PDS5A: variants seen among roughly 807,000 people sequenced by gnomAD.
PDS5A encodes the protein sister chromatid cohesion protein PDS5 homolog A.
PDS5A carries 42 observed loss-of-function variants against 167.1 expected under a neutral mutation model. The ratio of observed to expected loss-of-function variants is 0.25; its 90% CI spans 0.20 to 0.33. The LOEUF is 0.33. Ranked by LOEUF, PDS5A falls within the 10% of genes least tolerant of loss-of-function variation. PDS5A has a pLI of 1.00. For missense variants in PDS5A, 1,033 were observed against 1,605.9 expected (o/e 0.64, Z 6.10); for synonymous variants, 553 against 554.6 (o/e 1.00, Z 0.04).
chr4:39,965,701 A>G (rs1405619695), intron 2 of PDS5A, among the ~76,000 whole-genome samples: 3 of 152,178 alleles, frequency 2.0e-5, no homozygotes, highest in Non-Finnish European at 4.4e-5. Flanking sequence ...ATCGCTTCTG[A>G]GCCTTTTGGC....
chr4:39,960,412 G>A (rs895752663), intron 2 of PDS5A, among the ~76,000 whole-genome samples: 1 of 152,216 alleles, frequency 6.6e-6, no homozygotes, highest in Non-Finnish European at 1.5e-5. Flanking sequence ...AGGCACAATT[G>A]TAACTGTGTA....
At chr4:39,878,130 G>A (rs916009551) in intron 18 of PDS5A, among the ~76,000 whole-genome samples, 2 of 152,112 alleles carry the variant, frequency 1.3e-5, no homozygotes, top group Non-Finnish European at 2.9e-5. Flanking sequence ...GAGAAGCAGG[G>A]AGAAAGGGGA....
chr4:39,956,103 C>T (rs1188757534), intron 2 of PDS5A, among the ~76,000 whole-genome samples: 1 of 148,352 alleles, frequency 6.7e-6, no homozygotes, highest in Non-Finnish European at 1.5e-5. Context: ...AAGAAACAGA[C>T]TGAGACTGCC....
chr4:39,929,044 T>C (rs566317924), intron 2 of PDS5A, among the ~76,000 whole-genome samples: 5 of 152,174 alleles, frequency 3.3e-5, no homozygotes, highest in Non-Finnish European at 5.9e-5. Context: ...TGCTGGCCTG[T>C]TTTCTCTGTA....
intron 31 of PDS5A, among the ~76,000 whole-genome samples, chr4:39,839,967 G>A (rs889025796): frequency 6.6e-6 from 1 of 151,490 alleles, no homozygotes; most frequent in African/African-American, 2.4e-5. Flanking sequence ...GGTGGTGCGT[G>A]CCTGTAATCC....
At chr4:39,836,970 G>A (rs1232755633) in intron 32 of PDS5A, 3 of 146,464 alleles carry the variant, frequency 2.0e-5, no homozygotes, top group African/African-American at 7.5e-5. Flanking sequence ...CACCACACCT[G>A]GCTAACTTTT....
intron 16 of PDS5A, among the ~76,000 whole-genome samples, chr4:39,897,332 T>C (rs1578693079): frequency 6.6e-6 from 1 of 151,904 alleles, no homozygotes; most frequent in South Asian, 2.1e-4. Flanking sequence ...GAGGTGGAGG[T>C]TGCAGTGAGG....
In PDS5A at chr4:39,948,738, C is replaced by T. The variant is rs570887152; in HGVS notation, c.139-20574G>A. ...CTCCTGGCTTCAAGCAATTTTCCTG[C>T]CTCAGCCTCCTGAGTAGCTGGGATT... On this transcript the variant is annotated intron_variant, in intron 2 of 32. Transcript: ENST00000303538. Among the ~76,000 whole-genome samples, 7 of 151,820 alleles carry T rather than the reference C, an allele frequency of 4.6e-5. 1 individual carries two copies. The South Asian group carries it at 1.5e-3, about 32-fold the overall frequency.
intron 2 of PDS5A, among the ~76,000 whole-genome samples, chr4:39,942,102 G>C (rs980856569): frequency 6.6e-6 from 1 of 152,062 alleles, no homozygotes; most frequent in African/African-American, 2.4e-5. Flanking sequence ...CTCAAAGAGT[G>C]ATTTCCTATG....
chr4:39,846,326 C>T lies in PDS5A; in HGVS notation c.3340-446G>A, dbSNP rs141513045. 7.2e-3 allele frequency: 1,097 copies of T among 152,354 alleles called. 5 individuals are homozygous for T. The highest frequency in any genetic ancestry group is 9.9e-3 in the Non-Finnish European group (671 of 68,106). 9.4% of individuals were successfully genotyped at this position (152,354 alleles called of 1,614,324 possible). On this transcript the variant is annotated intron_variant, in intron 28 of 32. Transcript: ENST00000303538. ...ACCCGCCTGGCCAACATGGTGAAAC[C>T]CTGTCTCTACAAAAATACAAAATTA...
chr4:39,883,382 T>A (rs919558255), intron 17 of PDS5A, among the ~76,000 whole-genome samples: 5 of 152,152 alleles, frequency 3.3e-5, no homozygotes, highest in Non-Finnish European at 7.3e-5. Flanking sequence ...GGTTTCACCA[T>A]GTTGGCCAGG....
intron 32 of PDS5A, 116 bp downstream of exon 32, chr4:39,837,740 C>T (rs1033742132): frequency 3.3e-5 from 23 of 701,870 alleles, no homozygotes; most frequent in South Asian, 2.1e-5. Context: ...CCAGGAAAAC[C>T]AGATGCAGGT....
chr4:39,958,296 C>T (rs952310402), intron 2 of PDS5A, among the ~76,000 whole-genome samples: 1 of 151,992 alleles, frequency 6.6e-6, no homozygotes, highest in South Asian at 2.1e-4. Flanking sequence ...CTCCTGAGGT[C>T]AGGAGTTCAA....
chr4:39,852,525 C>T (rs1578607306), intron 26 of PDS5A, among the ~76,000 whole-genome samples: 1 of 152,160 alleles, frequency 6.6e-6, no homozygotes, highest in African/African-American at 2.4e-5. Flanking sequence ...CTCACTTCAC[C>T]TTTTTGCCGT....
At chr4:39,832,511 A>AT (rs984722971) in intron 32 of PDS5A, among the ~76,000 whole-genome samples, 7 of 150,178 alleles carry the variant, frequency 4.7e-5, no homozygotes, top group Non-Finnish European at 7.4e-5. Context: ...CTGGCTCAAA[A>AT]TTTTTTTTTT....
intron 2 of PDS5A, among the ~76,000 whole-genome samples, chr4:39,945,590 C>A (rs911798791): frequency 1.3e-5 from 2 of 151,666 alleles, no homozygotes; most frequent in African/African-American, 4.8e-5. Context: ...GAAATACACA[C>A]ATTATACTAT....
intron 19 of PDS5A, among the ~76,000 whole-genome samples, chr4:39,876,697 G>A (rs931993260): frequency 5.3e-5 from 8 of 152,108 alleles, no homozygotes; most frequent in African/African-American, 1.7e-4. Flanking sequence ...AAAGACATTA[G>A]TCATAAATAT....
intron 2 of PDS5A, chr4:39,973,033 ATTTTGCAATT>A (rs137997934): frequency 0.23 from 135,165 of 593,758 alleles, 14,837 homozygotes; most frequent in South Asian, 0.28. Context: ...TTTATTTTAT[ATTTTGCAATT>A]TTTTTTTCCA....
Position 39,951,898 on chromosome 4 carries a change from C to CAAAAAAAAA in PDS5A, c.139-23743_139-23735dup, listed in dbSNP as rs1161911794. Among the ~76,000 whole-genome samples, 54 of 68,818 alleles carry CAAAAAAAAA rather than the reference C, an allele frequency of 7.8e-4. 1 individual carries two copies. The highest frequency in any genetic ancestry group is 3.1e-3 in the African/African-American group (49 of 15,868). 45.1% of individuals were successfully genotyped at this position (68,818 alleles called of 152,430 possible). The stretch of plus-strand genomic sequence containing the variant: ...CTGGGTGACAGAGCAGAGTCTGTCT[C>CAAAAAAAAA]AAAAAAAAAAAAAAAAAAAAAATCT... On this transcript the variant is annotated intron_variant, in intron 2 of 32. Transcript: ENST00000303538.
Sources: gnomAD v4.1 joint callset for allele counts (sites outside exome capture counted in the v4.1 genomes callset) on GRCh38, gnomAD v4.1.1 for gene constraint, MANE v1.5 for transcripts, NCBI Gene and HGNC (gene_info 2026-07-23, HGNC 2026-07-21) for gene names.